Variants in SH2D4A observed in about 807,000 individuals in gnomAD.
SH2D4A encodes SH2 domain-containing protein 4A.
Under a neutral mutation model 64.7 loss-of-function variants are expected in SH2D4A, and 70 were observed. The observed-to-expected ratio is 1.08, with a 90% CI of 0.89 to 1.32. SH2D4A has a LOEUF of 1.32. Ranked by LOEUF, SH2D4A falls within the 40% of genes most tolerant of loss-of-function variation. SH2D4A has a pLI of 0.00. For synonymous variants in SH2D4A, 268 were observed against 200.7 expected (o/e 1.34, Z -2.83); for missense variants, 706 against 540.1 (o/e 1.31, Z -3.04).
At chr8:19,349,835 C>T (rs2052669358) in intron 4 of SH2D4A, among the ~76,000 whole-genome samples, 1 of 152,236 alleles carries the variant, frequency 6.6e-6, no homozygotes. Context: ...TCCTGAGTAG[C>T]TGGGATTACA....
chr8:19,353,695 T>TTTTTA (rs1554481600), intron 4 of SH2D4A, among the ~76,000 whole-genome samples: 15 of 146,316 alleles, frequency 1.0e-4, no homozygotes, highest in South Asian at 8.7e-4. Context: ...TTTTTTTTTT[T>TTTTTA]AATAAAGGAA....
chr8:19,373,722 AC>A, intron 8 of SH2D4A, 62 bp downstream of exon 8: 1 of 1,519,520 alleles, frequency 6.6e-7, no homozygotes. Context: ...GTGCTAATCT[AC>A]CAGGAAGCCA....
intron 6 of SH2D4A, 145 bp downstream of exon 6, chr8:19,361,459 T>C: frequency 1.3e-6 from 1 of 790,946 alleles, no homozygotes; most frequent in East Asian, 3.3e-5. Context: ...TATTACTAAC[T>C]TATTACTCAA....
At chr8:19,364,339 C>T (rs2052950908) in intron 7 of SH2D4A, 57 bp downstream of exon 7, 21 of 1,581,508 alleles carry the variant, frequency 1.3e-5, no homozygotes, top group Admixed American at 5.2e-5. Flanking sequence ...TTTGAATAAG[C>T]GTTGAAATTA....
At chr8:19,328,685 T>C in intron 2 of SH2D4A, among the ~76,000 whole-genome samples, 1 of 152,220 alleles carries the variant, frequency 6.6e-6, no homozygotes, top group East Asian at 1.9e-4. Context: ...TCAATCACTT[T>C]CTGATCCAAT....
intron 8 of SH2D4A, among the ~76,000 whole-genome samples, chr8:19,392,005 T>C (rs1380447781): frequency 1.3e-5 from 2 of 152,076 alleles, no homozygotes; most frequent in African/African-American, 2.4e-5. Context: ...CACTGAATAA[T>C]TCATTGACTT....
At chr8:19,390,696 C>T (rs2053478150) in intron 8 of SH2D4A, among the ~76,000 whole-genome samples, 1 of 152,180 alleles carries the variant, frequency 6.6e-6, no homozygotes, top group Non-Finnish European at 1.5e-5. Context: ...TTGGAACCTG[C>T]CCTCTGTCCC....
chr8:19,389,107 A>G (rs1241753683), intron 8 of SH2D4A, among the ~76,000 whole-genome samples: 1 of 152,216 alleles, frequency 6.6e-6, no homozygotes, highest in Non-Finnish European at 1.5e-5. Context: ...AGGACACGTC[A>G]TGTTCTGGAG....
chr8:19,334,558 T>C, intron 3 of SH2D4A, 128 bp from the exon 4 acceptor site: 1 of 986,274 alleles, frequency 1.0e-6, no homozygotes, highest in South Asian at 1.8e-5. Flanking sequence ...GGGCCCAGCA[T>C]GTTAGAAGCA....
intron 2 of SH2D4A, among the ~76,000 whole-genome samples, chr8:19,329,492 A>T (rs1175629088): frequency 1.3e-5 from 2 of 152,180 alleles, no homozygotes; most frequent in East Asian, 3.8e-4. Context: ...TAGTCTCCTG[A>T]GGACAGGGAC....
intron 2 of SH2D4A, among the ~76,000 whole-genome samples, chr8:19,320,841 GT>G (rs1265607823): frequency 6.6e-6 from 1 of 152,050 alleles, no homozygotes; most frequent in Non-Finnish European, 1.5e-5. Context: ...CTCTTTTCAT[GT>G]TTCATTAAAC....
At chr8:19,315,422 A>G (rs988950044) in intron 1 of SH2D4A, among the ~76,000 whole-genome samples, 3 of 152,164 alleles carry the variant, frequency 2.0e-5, no homozygotes, top group African/African-American at 7.2e-5. Context: ...ATGTAGAACC[A>G]CTGTGCCCGC....
intron 4 of SH2D4A, among the ~76,000 whole-genome samples, chr8:19,351,591 A>G (rs1215766111): frequency 3.9e-5 from 6 of 152,104 alleles, no homozygotes; most frequent in African/African-American, 1.4e-4. Flanking sequence ...CAACAGAGTG[A>G]GACTCTGACT....
intron 4 of SH2D4A, among the ~76,000 whole-genome samples, chr8:19,347,119 G>A (rs1207044418): frequency 6.6e-6 from 1 of 152,206 alleles, no homozygotes; most frequent in East Asian, 1.9e-4. Context: ...CTGAAGTGAT[G>A]CTCTGCTTAA....
At chr8:19,372,139 C>T (rs746080899) in intron 7 of SH2D4A, among the ~76,000 whole-genome samples, 2 of 152,184 alleles carry the variant, frequency 1.3e-5, no homozygotes, top group Non-Finnish European at 2.9e-5. Flanking sequence ...TTATTCCACT[C>T]TCCACAGCCT....
At chr8:19,374,898 C>T (rs1043633052) in intron 8 of SH2D4A, among the ~76,000 whole-genome samples, 5 of 152,084 alleles carry the variant, frequency 3.3e-5, no homozygotes, top group Admixed American at 3.3e-4. Context: ...AAATAAGCAC[C>T]GAGGAAATCA....
intron 6 of SH2D4A, 133 bp downstream of exon 6, chr8:19,361,447 G>C: frequency 2.3e-6 from 2 of 856,160 alleles, no homozygotes; most frequent in Non-Finnish European, 3.2e-6. Context: ...CCACTCAAAT[G>C]TTATTACTAA....
At chr8:19,392,034 C>G (rs542506745) in intron 8 of SH2D4A, among the ~76,000 whole-genome samples, 4 of 152,034 alleles carry the variant, frequency 2.6e-5, no homozygotes, top group African/African-American at 9.7e-5. Flanking sequence ...TTCCAAGATG[C>G]GTTTCTACTC....
rs1243149729 is a variant in SH2D4A, at chr8:19,393,454, C to T, written c.1185C>T (p.Leu395=). 18 of 1,614,114 alleles carry T rather than the reference C, an allele frequency of 1.1e-5. No individual in the cohort carries two copies. Among genetic ancestry groups the T allele is most frequent in the Admixed American group, 1.7e-5 (1 of 60,010 alleles). The change falls in exon 9 of 10, where the codon CTC becomes CTT. Residue 395 remains leucine (L), a synonymous_variant. Transcript: ENST00000265807. ...YLSEDGCKHF[L]IDASADAYSF... ...CGGAGGACGGCTGTAAACATTTCCT[C>T]ATCGATGCCTCTGCAGACGCCTACA...
Sources: gnomAD v4.1 joint callset for allele counts (sites outside exome capture counted in the v4.1 genomes callset) on GRCh38, gnomAD v4.1.1 for gene constraint, MANE v1.5 for transcripts, NCBI Gene and HGNC (gene_info 2026-07-23, HGNC 2026-07-21) for gene names.